FHL1: variants seen among roughly 807,000 people sequenced by gnomAD.
The protein encoded by FHL1 is four and a half LIM domains protein 1.
Under a neutral mutation model 20.3 loss-of-function variants are expected in FHL1, and 1 was observed. The ratio of observed to expected loss-of-function variants is 0.05; its 90% CI spans 0.02 to 0.23. The LOEUF (loss-of-function observed/expected upper bound fraction) is 0.23, where lower values mean the gene tolerates loss of function less well. FHL1 is among the 10% of genes least tolerant of loss of function. The probability of loss-of-function intolerance (pLI) is 1.00; values close to 1 mark genes in which losing one functional copy is unlikely to be tolerated. For synonymous variants in FHL1, 82 were observed against 88.9 expected (o/e 0.92, Z 0.44); for missense variants, 177 against 234.0 (o/e 0.76, Z 1.59).
At chrX:136,179,485 G>A (rs1209849404) in intron 2 of FHL1, among the ~76,000 whole-genome samples, 1 of 112,016 alleles carries the variant, frequency 8.9e-6, no homozygotes, top group East Asian at 2.8e-4. Flanking sequence ...GGCACAAAGA[G>A]TAAAGGATTT....
chrX:136,180,775 T>A (rs971422039), intron 2 of FHL1, among the ~76,000 whole-genome samples: 2 of 86,086 alleles, frequency 2.3e-5, no homozygotes, highest in African/African-American at 7.8e-5. Flanking sequence ...AGAGTCTCAC[T>A]CTCTCGCCCA....
upstream of FHL1, chrX:136,169,519 A>AG (rs1325678143): frequency 6.1e-6 from 1 of 163,303 alleles, no homozygotes; most frequent in Non-Finnish European, 1.1e-5. Context: ...AGAGAGAGAG[A>AG]GAAAAAAAAA....
chrX:136,174,798 C>T (rs754267036), intron 2 of FHL1, among the ~76,000 whole-genome samples: 130 of 111,301 alleles, frequency 1.2e-3, no homozygotes, highest in African/African-American at 3.7e-3. Context: ...TAGATATGCT[C>T]AGGAATCATG....
intron 1 of FHL1, among the ~76,000 whole-genome samples, chrX:136,157,531 A>G (rs2072454051): frequency 9.0e-6 from 1 of 111,704 alleles, no homozygotes; most frequent in Non-Finnish European, 1.9e-5. Context: ...GAGTTTAGAC[A>G]GATGTATATA....
At chrX:136,200,325 G>A (rs766945446) in intron 1 of FHL1, among the ~76,000 whole-genome samples, 42 of 112,149 alleles carry the variant, frequency 3.7e-4, no homozygotes, top group Admixed American at 6.6e-4. Context: ...GACCTAAGGT[G>A]TAGGTTAGAC....
intron 2 of FHL1, among the ~76,000 whole-genome samples, chrX:136,173,339 CAA>C (rs1389261753): frequency 1.8e-5 from 2 of 112,204 alleles, no homozygotes; most frequent in East Asian, 5.6e-4. Flanking sequence ...TCACAAAACA[CAA>C]AATTTTGAAA....
chrX:136,146,888 G>C (rs1292289741), upstream of FHL1: 1 of 329,765 alleles, frequency 3.0e-6, no homozygotes, highest in Admixed American at 3.1e-5. Context: ...GCTCCCTCCG[G>C]CTTGCTACTA....
Position 136,207,835 on chromosome X carries a change from C to G in FHL1, c.423C>G (p.Asp141Glu). ...VEYKGTVWHK[D>E]CFTCSNCKQV... is the part of the protein sequence containing the mutation. ...ACAAGGGGACCGTCTGGCACAAAGA[C>G]TGCTTCACCTGTAGTAACTGCAAGC... The change falls in exon 4 of 6, where the codon GAC becomes GAG. Residue 141 changes from aspartate to glutamate, a missense_variant. Coordinates refer to ENST00000370683, the MANE Select transcript of FHL1 (RefSeq NM_001159699.2). 8.3e-7 allele frequency: 1 copy of G among 1,212,032 alleles called. No homozygotes were observed. The highest frequency in any genetic ancestry group is 1.1e-6 in the Non-Finnish European group (1 of 895,547).
intron 1 of FHL1, among the ~76,000 whole-genome samples, chrX:136,205,739 G>C (rs2073822899): frequency 8.9e-6 from 1 of 111,931 alleles, no homozygotes; most frequent in African/African-American, 3.2e-5. Context: ...TGAGCTGTCA[G>C]TTTCTATTCT....
At chrX:136,166,755 G>T (rs1015363765), upstream of FHL1, among the ~76,000 whole-genome samples, 5 of 112,494 alleles carry the variant, frequency 4.4e-5, no homozygotes, top group Non-Finnish European at 9.4e-5. Flanking sequence ...CGAAAGAAAG[G>T]TATATTTGGT....
intron 1 of FHL1, among the ~76,000 whole-genome samples, chrX:136,199,965 GAAAA>G (rs1240346263): frequency 8.9e-6 from 1 of 111,799 alleles, no homozygotes; most frequent in African/African-American, 3.3e-5. Flanking sequence ...AAAGAAAAAA[GAAAA>G]AAACAAATGT....
At chrX:136,196,897 G>C, upstream of FHL1, 1 of 1,133,603 alleles carries the variant, frequency 8.8e-7, no homozygotes, top group African/African-American at 1.8e-5. Context: ...TTTTTACTGG[G>C]TCCTATTCTT....
intron 2 of FHL1, among the ~76,000 whole-genome samples, chrX:136,187,670 C>T (rs989053083): frequency 9.3e-6 from 1 of 107,013 alleles, no homozygotes; most frequent in Non-Finnish European, 1.9e-5. Context: ...TCCATAAAGA[C>T]AGAAAGTAGG....
chrX:136,174,899 A>G (rs751012176), intron 2 of FHL1, among the ~76,000 whole-genome samples: 9 of 112,268 alleles, frequency 8.0e-5, no homozygotes, highest in African/African-American at 1.9e-4. Context: ...ATAATTATCA[A>G]ATCCCTGGTT....
rs1214842835 is a variant in FHL1 at position 136,164,157 on chromosome X, T to G, written c.-100-5750T>G. ...TTGCTAGATTTTGCCATTTGACTTG[T>G]GTTTTTCCTTTGTTCCAATTTGTTC... On this transcript the variant is annotated intron_variant, in intron 1 of 7. Coordinates refer to the FHL1 transcript ENST00000394155. Among the ~76,000 whole-genome samples, 3 of 111,628 alleles carry G rather than the reference T, an allele frequency of 2.7e-5. No homozygotes were observed. The Admixed American group carries it at 2.9e-4, about 11-fold the overall frequency.
chrX:136,175,482 AAC>A (rs2072978555), intron 2 of FHL1, among the ~76,000 whole-genome samples: 1 of 112,396 alleles, frequency 8.9e-6, no homozygotes, highest in African/African-American at 3.2e-5. Flanking sequence ...TGTTCTGAGA[AAC>A]AAATTATTCT....
chrX:136,151,637 C>T (rs2072267880), intron 1 of FHL1, among the ~76,000 whole-genome samples: 1 of 112,016 alleles, frequency 8.9e-6, no homozygotes, highest in Non-Finnish European at 1.9e-5. Flanking sequence ...CGCTTGGACC[C>T]AGGAGGCGGA....
At position 136,206,634 on chromosome X, in the gene FHL1, G is replaced by A. The variant is rs1046163454; in HGVS notation, c.204+46G>A. On this transcript the variant is annotated intron_variant, in intron 2 of 5. Transcript: ENST00000370683. ...CCAATGGGAAGGGCTGGGTTTTGGA[G>A]TGTCCTTTGCCCACAACCATGGCAG... 9 of 1,198,211 alleles carry A rather than the reference G, an allele frequency of 7.5e-6. No homozygotes were observed. In the Admixed American group the frequency reaches 1.3e-4, roughly 17 times the overall value.
chrX:136,198,755 G>C (rs1046956812), intron 1 of FHL1, among the ~76,000 whole-genome samples: 1 of 112,019 alleles, frequency 8.9e-6, no homozygotes, highest in Non-Finnish European at 1.9e-5. Context: ...AAGACTTTCT[G>C]TCTGCAAAAT....
Sources: gnomAD v4.1 joint callset for allele counts (sites outside exome capture counted in the v4.1 genomes callset) on GRCh38, gnomAD v4.1.1 for gene constraint, MANE v1.5 for transcripts, NCBI Gene and HGNC (gene_info 2026-07-23, HGNC 2026-07-21) for gene names.